The following GRID1 variants were observed in gnomAD, a reference collection of about 807,000 sequenced individuals.
GRID1 encodes the protein glutamate ionotropic receptor delta type subunit 1, also known as glutamate receptor ionotropic, delta-1.
GRID1 carries 28 observed loss-of-function variants against 98.0 expected under a neutral mutation model. The ratio of observed to expected loss-of-function variants is 0.29; its 90% CI spans 0.21 to 0.39. The LOEUF (loss-of-function observed/expected upper bound fraction) is 0.39. GRID1 is among the 10% of genes least tolerant of loss of function. The probability of loss-of-function intolerance (pLI) is 1.00; values close to 1 mark genes in which losing one functional copy is unlikely to be tolerated. For synonymous variants in GRID1, 553 were observed against 538.5 expected (o/e 1.03, Z -0.37); for missense variants, 1,111 against 1,340.5 (o/e 0.83, Z 2.67).
chr10:85,943,180 A>T (rs1220026395), intron 4 of GRID1, among the ~76,000 whole-genome samples: 1 of 152,198 alleles, frequency 6.6e-6, no homozygotes, highest in Non-Finnish European at 1.5e-5. Flanking sequence ...ATGTCAAAGG[A>T]TATTGCCAAA....
At chr10:85,639,825 A>G (rs1008620536) in intron 13 of GRID1, among the ~76,000 whole-genome samples, 11 of 152,340 alleles carry the variant, frequency 7.2e-5, no homozygotes, top group African/African-American at 2.6e-4. Context: ...GTGAGCTGAG[A>G]TCACCATTGC....
chr10:85,647,351 C>T lies in GRID1; in HGVS notation c.2044G>A (p.Val682Ile), dbSNP rs749965570. ...TACTCATATACAGCAGAATCCCGGACAGTGCCATAAGACATTTCCACTTGT... is the reference window on the plus strand; with the variant it reads ...TACTCATATACAGCAGAATCCCGGATAGTGCCATAAGACATTTCCACTTGT... The part of the protein sequence containing the change: ...SKQVEMSYGT[V>I]RDSAVYEYFR... The change falls in exon 13 of 16, where the codon GTC becomes ATC. Residue 682 changes from valine to isoleucine, a missense_variant. Val to Ile is a conservative substitution (Grantham distance 29). Around this residue, in one of 3 missense-constraint regions of GRID1, gnomAD observed 762 missense variants for 869.1 expected, o/e 0.88. Transcript: ENST00000327946. The T allele has an allele frequency of 2.5e-6, 4 of 1,614,226 alleles. No homozygotes were observed. In the South Asian group the frequency reaches 4.4e-5, roughly 18 times the overall value.
At chr10:85,796,161 G>T (rs1842524264) in intron 8 of GRID1, among the ~76,000 whole-genome samples, 1 of 152,046 alleles carries the variant, frequency 6.6e-6, no homozygotes, top group South Asian at 2.1e-4. Flanking sequence ...GATCAAAGCT[G>T]GAATCACAGA....
chr10:86,059,634 G>C (rs958190947), intron 4 of GRID1, among the ~76,000 whole-genome samples: 1 of 152,106 alleles, frequency 6.6e-6, no homozygotes, highest in African/African-American at 2.4e-5. Context: ...GTACCATTTG[G>C]GGAAAAAACA....
At chr10:86,359,981 T>C (rs150957793) in intron 2 of GRID1, among the ~76,000 whole-genome samples, 10 of 152,344 alleles carry the variant, frequency 6.6e-5, no homozygotes, top group African/African-American at 2.2e-4. Flanking sequence ...GATATTTTAT[T>C]GTGTGATCCA....
chr10:85,710,484 A>G (rs1184453651), intron 12 of GRID1, among the ~76,000 whole-genome samples: 1 of 152,156 alleles, frequency 6.6e-6, no homozygotes, highest in Non-Finnish European at 1.5e-5. Flanking sequence ...ACTGGCTCAA[A>G]GATTTAAATT....
intron 4 of GRID1, among the ~76,000 whole-genome samples, chr10:86,043,510 G>A (rs1843376864): frequency 1.3e-5 from 2 of 152,306 alleles, no homozygotes; most frequent in South Asian, 4.2e-4. Context: ...GCAGCCTGGT[G>A]ATCCTTGCCC....
At chr10:86,067,320 G>C (rs1366987778) in intron 4 of GRID1, among the ~76,000 whole-genome samples, 2 of 152,158 alleles carry the variant, frequency 1.3e-5, no homozygotes, top group African/African-American at 4.8e-5. Flanking sequence ...CTGATCCTGA[G>C]ACAGCAGCAG....
chr10:86,329,438 G>A (rs578025408), intron 2 of GRID1, among the ~76,000 whole-genome samples: 78 of 152,344 alleles, frequency 5.1e-4, no homozygotes, highest in African/African-American at 1.8e-3. Context: ...ATGGAAGCCA[G>A]GAGGAAGGGG....
At chr10:86,182,742 C>T (rs1845673287) in intron 3 of GRID1, among the ~76,000 whole-genome samples, 1 of 152,208 alleles carries the variant, frequency 6.6e-6, no homozygotes, top group Non-Finnish European at 1.5e-5. Flanking sequence ...CCTGACTGCT[C>T]CACCCTTTCT....
intron 2 of GRID1, among the ~76,000 whole-genome samples, chr10:86,248,634 A>G (rs1846771694): frequency 7.0e-6 from 1 of 142,422 alleles, no homozygotes; most frequent in Non-Finnish European, 1.5e-5. Context: ...CTGCAGCGGC[A>G]CAATCTCAAC....
rs552130538 is a variant in GRID1, at chr10:86,287,159, C to T, written c.235+76782G>A. On this transcript the variant is annotated intron_variant, in intron 2 of 15. Transcript: ENST00000327946. ...TGGAATGCCTGGGCACAGGAGGTCC[C>T]GTGGGGAAGGAGCTGCAGGTGAGGC... Among the ~76,000 whole-genome samples, 9 of 152,248 alleles carry T rather than the reference C, an allele frequency of 5.9e-5. No individual in the cohort carries two copies. In the South Asian group the frequency reaches 1.7e-3, roughly 28 times the overall value.
At chr10:86,339,781 T>C (rs1371281337) in intron 2 of GRID1, among the ~76,000 whole-genome samples, 2 of 152,158 alleles carry the variant, frequency 1.3e-5, no homozygotes, top group African/African-American at 2.4e-5. Flanking sequence ...GCAACCTGCA[T>C]TGATGGAACA....
intron 3 of GRID1, among the ~76,000 whole-genome samples, chr10:86,156,951 G>A (rs917401023): frequency 2.6e-5 from 4 of 152,212 alleles, no homozygotes; most frequent in African/African-American, 9.6e-5. Flanking sequence ...GCTCCAAGGG[G>A]AGGGGCATCA....
At chr10:85,886,730 T>G (rs1385030984) in intron 5 of GRID1, among the ~76,000 whole-genome samples, 2 of 152,180 alleles carry the variant, frequency 1.3e-5, no homozygotes, top group Non-Finnish European at 2.9e-5. Flanking sequence ...ACAAATAAAA[T>G]AGTAAGGATC....
At chr10:85,730,203 G>A (rs938034723) in intron 8 of GRID1, among the ~76,000 whole-genome samples, 8 of 152,204 alleles carry the variant, frequency 5.3e-5, no homozygotes, top group African/African-American at 1.7e-4. Context: ...AATGTGCTCT[G>A]AATCTGCTAC....
intron 8 of GRID1, among the ~76,000 whole-genome samples, chr10:85,817,337 G>A (rs1011602495): frequency 6.6e-6 from 1 of 150,970 alleles, no homozygotes; most frequent in African/African-American, 2.4e-5. Context: ...AGACCAGCCT[G>A]GGAAACACAG....
At chr10:85,619,023 C>A (rs1032228109) in intron 14 of GRID1, among the ~76,000 whole-genome samples, 4 of 152,242 alleles carry the variant, frequency 2.6e-5, no homozygotes, top group Non-Finnish European at 5.9e-5. Flanking sequence ...GATGCTTCTG[C>A]CTCATTTTGG....
chr10:85,619,232 C>T (rs750608928), intron 14 of GRID1, among the ~76,000 whole-genome samples: 2 of 152,236 alleles, frequency 1.3e-5, no homozygotes, highest in Non-Finnish European at 2.9e-5. Flanking sequence ...CCCACTTCCA[C>T]CCTTCCTGGC....
Sources: gnomAD v4.1 joint callset for allele counts (sites outside exome capture counted in the v4.1 genomes callset) on GRCh38, gnomAD v4.1.1 for gene constraint, gnomAD v4.1.1 regional missense constraint, MANE v1.5 for transcripts, NCBI Gene and HGNC (gene_info 2026-07-23, HGNC 2026-07-21) for gene names.